Variants in FRMD4B observed in about 807,000 individuals in gnomAD.
The protein encoded by FRMD4B is FERM domain containing 4B, also known as FERM domain-containing protein 4B.
A neutral mutation model predicts 141.5 loss-of-function variants in FRMD4B; 74 were observed. The ratio of observed to expected loss-of-function variants is 0.52; its 90% CI spans 0.43 to 0.63. FRMD4B has a LOEUF of 0.63. FRMD4B is among the 30% of genes least tolerant of loss of function. The probability of loss-of-function intolerance (pLI) is 0.00; values close to 1 mark genes in which losing one functional copy is unlikely to be tolerated. For synonymous variants in FRMD4B, 506 were observed against 467.9 expected, an observed-to-expected ratio of 1.08 and a Z score of -1.05; for missense variants, 1,366 against 1,253.4, an observed-to-expected ratio of 1.09 and a Z score of -1.36.
intron 1 of FRMD4B, among the ~76,000 whole-genome samples, chr3:69,540,720 C>T (rs1701169875): frequency 7.4e-6 from 1 of 135,512 alleles, no homozygotes. Context: ...TTATTATTTT[C>T]TTCATACTCA....
At chr3:69,223,174 T>C (rs1176008099) in intron 8 of FRMD4B, among the ~76,000 whole-genome samples, 2 of 152,234 alleles carry the variant, frequency 1.3e-5, no homozygotes, top group African/African-American at 4.8e-5. Flanking sequence ...GAAGTATTTC[T>C]ATCTCCATAT....
At chr3:69,303,638 C>T (rs556882095) in intron 3 of FRMD4B, among the ~76,000 whole-genome samples, 6 of 152,116 alleles carry the variant, frequency 3.9e-5, no homozygotes, top group Admixed American at 6.6e-5. Flanking sequence ...AAATAAAACA[C>T]ACAGGCTGGG....
intron 2 of FRMD4B, among the ~76,000 whole-genome samples, chr3:69,421,343 T>C (rs1230467534): frequency 6.6e-6 from 1 of 152,224 alleles, no homozygotes; most frequent in African/African-American, 2.4e-5. Context: ...TGAGGTTGAA[T>C]TAGATTAGGG....
chr3:69,487,218 C>T (rs1361412122), intron 1 of FRMD4B, among the ~76,000 whole-genome samples: 1 of 152,116 alleles, frequency 6.6e-6, no homozygotes, highest in Non-Finnish European at 1.5e-5. Context: ...AATGGCTGAT[C>T]CCAGACTATA....
At chr3:69,541,634 C>G (rs1470728701) in intron 1 of FRMD4B, among the ~76,000 whole-genome samples, 1 of 152,058 alleles carries the variant, frequency 6.6e-6, no homozygotes, top group African/African-American at 2.4e-5. Flanking sequence ...TTTTTTCCTC[C>G]CCAGATGAAA....
At position 69,430,733 on chromosome 3, in the gene FRMD4B, G is replaced by C. The variant is rs2106833944; in HGVS notation, c.-1+1901C>G. 1.3e-5 allele frequency among the ~76,000 whole-genome samples: 2 copies of C among 152,350 alleles called. 1 individual carries two copies. The highest frequency in any genetic ancestry group is 4.1e-4 in the South Asian group (2 of 4,826). ...AGAAAACAGGGAAGGCTCTAAAGGT[G>C]AGTTAATGAATGACTGACTTCTGCC... On this transcript the variant is annotated intron_variant, in intron 2 of 5. Transcript: ENST00000459638.
intron 1 of FRMD4B, among the ~76,000 whole-genome samples, chr3:69,444,618 G>A (rs1187083983): frequency 1.3e-5 from 2 of 152,076 alleles, no homozygotes; most frequent in African/African-American, 4.8e-5. Context: ...AATTTTCTAG[G>A]AGGAACTTAT....
chr3:69,187,270 G>A (rs11712024), intron 19 of FRMD4B, among the ~76,000 whole-genome samples: 1 of 151,864 alleles, frequency 6.6e-6, no homozygotes, highest in Non-Finnish European at 1.5e-5. Flanking sequence ...TTTCAGCCAG[G>A]CACGGTGGCT....
Position 69,302,416 on chromosome 3 carries a change from G to A in FRMD4B, c.343C>T (p.Gln115Ter). ...IDDTGQQNWL[Q>*]LDHRVLDHDL... The stretch of plus-strand genomic sequence containing the variant: ...TGGTCAAGAACTCGGTGATCTAACT[G>A]CAGCCAGTTCTGCTGACCTCTGTGA... Residue 115 changes from glutamine (Q) to a stop codon, truncating the protein, a stop_gained, in exon 4 of 23, where the codon CAG becomes TAG. Coordinates refer to ENST00000398540, the MANE Select transcript of FRMD4B (RefSeq NM_015123.3). LOFTEE classifies it high-confidence loss of function. 5 of 1,600,854 alleles carry A rather than the reference G, an allele frequency of 3.1e-6. No homozygotes were observed. The highest frequency in any genetic ancestry group is 4.3e-6 in the Non-Finnish European group (5 of 1,170,788).
intron 1 of FRMD4B, among the ~76,000 whole-genome samples, chr3:69,372,337 A>C (rs1703848477): frequency 6.6e-6 from 1 of 152,198 alleles, no homozygotes; most frequent in South Asian, 2.1e-4. Context: ...AAGTGCCTGG[A>C]AGGTAATAAA....
chr3:69,414,335 G>C (rs1704812233), intron 2 of FRMD4B, among the ~76,000 whole-genome samples: 1 of 152,064 alleles, frequency 6.6e-6, no homozygotes, highest in Non-Finnish European at 1.5e-5. Context: ...ATCAGACATG[G>C]GGAAGGAAAA....
chr3:69,278,392 G>A (rs35362902), intron 5 of FRMD4B, among the ~76,000 whole-genome samples: 20,072 of 152,062 alleles, frequency 0.13, 1,755 homozygotes, highest in East Asian at 0.3. Context: ...TCAAACTCCT[G>A]GGCTCAAGTG....
intron 8 of FRMD4B, among the ~76,000 whole-genome samples, chr3:69,223,644 G>T (rs751571880): frequency 6.6e-6 from 1 of 152,246 alleles, no homozygotes. Flanking sequence ...TTTGAGACCA[G>T]CCTGATCAAC....
intron 7 of FRMD4B, among the ~76,000 whole-genome samples, chr3:69,230,144 T>TA (rs984830261): frequency 5.3e-4 from 80 of 151,766 alleles, no homozygotes; most frequent in African/African-American, 1.9e-3. Context: ...CCTGGCTAAT[T>TA]TTTTTGTATT....
intron 5 of FRMD4B, among the ~76,000 whole-genome samples, chr3:69,271,494 TA>T (rs1445453652): frequency 6.6e-6 from 1 of 152,198 alleles, no homozygotes; most frequent in Non-Finnish European, 1.5e-5. Context: ...GACATGGGGT[TA>T]AAGATGACAG....
At chr3:69,353,338 T>G (rs1564756) in intron 1 of FRMD4B, among the ~76,000 whole-genome samples, 90,289 of 152,050 alleles carry the variant, frequency 0.59, 30,098 homozygotes, top group South Asian at 0.74. Context: ...TTGGAAAAAG[T>G]AATTCCTTCA....
intron 5 of FRMD4B, among the ~76,000 whole-genome samples, chr3:69,259,807 A>T (rs7627121): frequency 0.96 from 146,786 of 152,286 alleles, 70,951 homozygotes; most frequent in East Asian, 1. Flanking sequence ...ATCACTTTTT[A>T]AAATTTGTTT....
Position 69,386,058 on chromosome 3 carries a change from C to A in FRMD4B, c.-69G>T, listed in dbSNP as rs1000303572. 4.6e-6 allele frequency: 6 copies of A among 1,311,992 alleles called. No homozygotes were observed. The African/African-American group carries it at 4.6e-5, about 10-fold the overall frequency. The allele number at this position is 1,311,992 out of a possible 1,614,324, so 81.3% of individuals were successfully genotyped here. ...GTGCAGCCCCGACCCCAGCGGCCTG[C>A]CCGCCTGGGCTCCCGACGCCGGCTT... On this transcript the variant is annotated 5_prime_UTR_variant, in exon 1 of 23. Transcript: ENST00000398540.
chr3:69,394,090 G>A (rs867206531), intron 2 of FRMD4B, among the ~76,000 whole-genome samples: 1 of 152,170 alleles, frequency 6.6e-6, no homozygotes, highest in Non-Finnish European at 1.5e-5. Flanking sequence ...AGGACTGAGT[G>A]GCCTAAACAA....
Sources: gnomAD v4.1 joint callset for allele counts (sites outside exome capture counted in the v4.1 genomes callset) on GRCh38, gnomAD v4.1.1 for gene constraint, MANE v1.5 for transcripts, NCBI Gene and HGNC (gene_info 2026-07-23, HGNC 2026-07-21) for gene names.